Variants in TBKBP1 observed in about 807,000 individuals in gnomAD.
The protein encoded by TBKBP1 is TBK1 binding protein 1.
Under a neutral mutation model 69.9 loss-of-function variants are expected in TBKBP1, and 47 were observed. That is an observed-to-expected ratio of 0.67 (90% CI 0.53 to 0.86). The LOEUF is 0.86. Ranked by LOEUF, TBKBP1 falls within the 40% of genes least tolerant of loss-of-function variation. TBKBP1 has a pLI of 0.00. For missense variants in TBKBP1, 831 were observed against 858.6 expected (o/e 0.97, Z 0.40); for synonymous variants, 418 against 390.3 (o/e 1.07, Z -0.84).
At chr17:47,696,432 A>C in intron 2 of TBKBP1, 95 bp downstream of exon 2, 3 of 1,388,732 alleles carry the variant, frequency 2.2e-6, no homozygotes, top group Non-Finnish European at 2.9e-6. Context: ...AAGAGGGGTC[A>C]CTGTGCAGAC....
intron 2 of TBKBP1, 87 bp downstream of exon 2, chr17:47,696,424 G>A: frequency 6.9e-7 from 1 of 1,455,606 alleles, no homozygotes; most frequent in South Asian, 1.2e-5. Flanking sequence ...GGATCCAAAA[G>A]AGGGGTCACT....
Position 47,710,766 on chromosome 17 carries a change from G to T in TBKBP1, c.*140G>T. Reference sequence around the variant, plus strand: ...CCTCCACTTGCTACCGAGTCAACGTGTGTGCCATCTTCCCTGGTCCAGGCA... The same window carrying T: ...CCTCCACTTGCTACCGAGTCAACGTTTGTGCCATCTTCCCTGGTCCAGGCA... On this transcript the variant is annotated 3_prime_UTR_variant, in exon 10 of 10. Transcript: ENST00000578982. 8.0e-7 allele frequency: 1 copy of T among 1,257,384 alleles called. No individual in the cohort carries two copies. The allele number at this position is 1,257,384 out of a possible 1,614,324, so 77.9% of individuals were successfully genotyped here.
chr17:47,708,336 C>G lies in TBKBP1; in HGVS notation c.873-58C>G. 7 of 1,579,460 alleles carry G rather than the reference C, an allele frequency of 4.4e-6. No homozygotes were observed. The South Asian group carries it at 7.8e-5, about 18-fold the overall frequency. On this transcript the variant is annotated intron_variant, in intron 7 of 9. Coordinates refer to ENST00000578982, the MANE Select transcript of TBKBP1 (RefSeq NM_001394755.1). This position sits in a 1 kb window ranked among gnomAD's most constrained non-coding sequence, Gnocchi z 4.4. ...TGGGGTAGAGCCAGTTCTTCCTCCA[C>G]AGCTGGGACGGTAGACCCACTGCCC...
intron 7 of TBKBP1, among the ~76,000 whole-genome samples, chr17:47,700,770 A>G (rs118081167): frequency 0.017 from 2,557 of 152,138 alleles, 33 homozygotes; most frequent in Non-Finnish European, 0.022. Flanking sequence ...CTACCAAGAA[A>G]GGGGCAGCAG....
In TBKBP1 at chr17:47,699,362, G is replaced by A. The variant is rs538496762; in HGVS notation, c.677G>A (p.Arg226Gln). Residue 226 changes from arginine (R) to glutamine (Q), a missense_variant, in exon 6 of 10, where the codon CGG becomes CAG. By Grantham distance (43) the Arg-to-Gln change is conservative. Transcript: ENST00000578982. Reference protein sequence around the residue: ...GSTPSVSDLERRRLEEALEAA... With the variant: ...GSTPSVSDLEQRRLEEALEAA... ...ACACCCAGTGTGAGTGACCTGGAGC[G>A]GCGGCGGCTAGAAGAGGCTTTGGAG... The A allele has an allele frequency of 9.0e-6, 14 of 1,552,436 alleles. No individual in the cohort carries two copies. The highest frequency in any genetic ancestry group is 2.4e-4 in the Middle Eastern group (1 of 4,192).
At position 47,710,517 on chromosome 17, in the gene TBKBP1, G is replaced by C. The variant is rs554021725; in HGVS notation, c.1739G>C (p.Gly580Ala). ...CGACAGTTGCTGATGGAGACGGTGG[G>C]CTCCGACATCCGCAGCTGCCCCCTC... ...PSINLLMETV[G>A]SDIRSCPLCQ... is the part of the protein sequence containing the mutation. Residue 580 changes from glycine to alanine, a missense_variant, in exon 10 of 10, where the codon GGC becomes GCC. Physicochemically the swap from Gly to Ala is moderately conservative, Grantham distance 60 (BLOSUM62 0). Coordinates refer to ENST00000578982, the MANE Select transcript of TBKBP1 (RefSeq NM_001394755.1). 4.3e-6 allele frequency: 7 copies of C among 1,611,082 alleles called. No individual in the cohort carries two copies. In the East Asian group the frequency reaches 1.6e-4, roughly 36 times the overall value.
At chr17:47,696,919 G>A in intron 3 of TBKBP1, 86 bp downstream of exon 3, 1 of 1,565,894 alleles carries the variant, frequency 6.4e-7, no homozygotes, top group South Asian at 1.2e-5. Context: ...CCCAGCATCT[G>A]GCCTCTGCCC....
intron 7 of TBKBP1, among the ~76,000 whole-genome samples, chr17:47,702,148 C>T (rs1328044220): frequency 6.6e-6 from 1 of 152,228 alleles, no homozygotes; most frequent in African/African-American, 2.4e-5. Flanking sequence ...GCTCCCTCCC[C>T]TGTCCTTCCA....
At chr17:47,710,371 A>C in intron 9 of TBKBP1, 127 bp from the exon 10 acceptor site, 1 of 1,280,214 alleles carries the variant, frequency 7.8e-7, no homozygotes, top group Non-Finnish European at 1.1e-6. Flanking sequence ...TGCTGAAGAA[A>C]GGGTGGCTGG....
At position 47,708,908 on chromosome 17, in the gene TBKBP1, C is replaced by T. The variant is rs2031800899; in HGVS notation, c.1175C>T (p.Pro392Leu). ...QRRSPASPSC[P>L]SPVPQRRSPV... ...CGCTCTCCGGCCTCACCCTCCTGCC[C>T]GTCGCCCGTCCCGCAGCGCCGCTCG... The change falls in exon 9 of 10, where the codon CCG (proline) becomes CTG (leucine). Residue 392 changes from proline to leucine, a missense_variant. By Grantham distance (98) the Pro-to-Leu change is moderately conservative. Transcript: ENST00000578982. This position sits in a 1 kb window ranked among gnomAD's most constrained non-coding sequence, Gnocchi z 4.4. 3.6e-6 allele frequency: 5 copies of T among 1,375,454 alleles called. No homozygotes were observed. The highest frequency in any genetic ancestry group is 4.7e-6 in the Non-Finnish European group (5 of 1,064,258). The allele number at this position is 1,375,454 out of a possible 1,614,324, so 85.2% of individuals were successfully genotyped here.
At chr17:47,705,533 AT>A (rs1161308502) in intron 7 of TBKBP1, among the ~76,000 whole-genome samples, 1 of 152,224 alleles carries the variant, frequency 6.6e-6, no homozygotes, top group Non-Finnish European at 1.5e-5. Context: ...AAATGCAGCC[AT>A]CTGCTGCCAC....
In TBKBP1 at chr17:47,710,712, G is replaced by C. The variant is rs766503200; in HGVS notation, c.*86G>C. The C allele has an allele frequency of 5.9e-6, 9 of 1,526,616 alleles. No homozygotes were observed. Among genetic ancestry groups the C allele is most frequent in the Non-Finnish European group, 8.0e-6 (9 of 1,127,882 alleles). The allele number at this position is 1,526,616 out of a possible 1,614,324, so 94.6% of individuals were successfully genotyped here. ...TTTGAATGCTGCATGAATCTCGTGG[G>C]GGGTCCCTGCCCTTGCGACCCCCAG... On this transcript the variant is annotated 3_prime_UTR_variant, in exon 10 of 10. Transcript: ENST00000578982.
rs769442613 is a variant in TBKBP1 at position 47,709,133 on chromosome 17, A to G, written c.1400A>G (p.Glu467Gly). 3.5e-5 allele frequency: 49 copies of G among 1,384,380 alleles called. No homozygotes were observed. The highest frequency in any genetic ancestry group is 3.0e-4 in the Admixed American group (8 of 26,522). 85.8% of individuals were successfully genotyped at this position (1,384,380 alleles called of 1,614,324 possible). A position where few individuals can be genotyped will look rare whatever the true frequency, so the allele number is the denominator to read the frequency against. Residue 467 changes from glutamate (E) to glycine (G), a missense_variant, in exon 9 of 10, where the codon GAG becomes GGG. By Grantham distance (98) the Glu-to-Gly change is moderately conservative (BLOSUM62 -2). Transcript: ENST00000578982. ...CGCCGCAGCTACTCTGAGCTGGCGG[A>G]GGGCGCGGCCTACGCGGGCGCCTCC... ...QGRRSYSELA[E>G]GAAYAGASPP...
At chr17:47,696,453 T>C (rs1329525407) in intron 2 of TBKBP1, 116 bp downstream of exon 2, 33 of 1,268,282 alleles carry the variant, frequency 2.6e-5, no homozygotes, top group Non-Finnish European at 3.4e-5. Flanking sequence ...TCTTGGGAAC[T>C]TGAGGGTCTC....
chr17:47,699,396 G>A lies in TBKBP1; in HGVS notation c.711G>A (p.Gln237=), dbSNP rs2031394470. 1 of 1,568,232 alleles carries A rather than the reference G, an allele frequency of 6.4e-7. No homozygotes were observed. ...TAGAAGAGGCTTTGGAGGCCGCGCA[G>A]GGAGAGGCCCGGGGGGCTCAGCTCC... The part of the protein sequence containing the change: ...RRLEEALEAA[Q]GEARGAQLRE... Residue 237 remains glutamine, a synonymous_variant, in exon 6 of 10, where the codon CAG becomes CAA. Transcript: ENST00000578982.
Position 47,710,627 on chromosome 17 carries a change from G to T in TBKBP1, c.*1G>T. 2 of 1,596,902 alleles carry T rather than the reference G, an allele frequency of 1.3e-6. No homozygotes were observed. Among genetic ancestry groups the T allele is most frequent in the Admixed American group, 3.3e-5 (2 of 59,702 alleles). On this transcript the variant is annotated 3_prime_UTR_variant, in exon 10 of 10. Transcript: ENST00000578982. ...CCACCTGGAGAACAGCAAGATCTAG[G>T]GCACCAGCCCCACCCACTGGCTGTT...
At position 47,696,200 on chromosome 17, in the gene TBKBP1, C is replaced by G. The variant is rs934824018; in HGVS notation, c.88C>G (p.Pro30Ala). Residue 30 changes from proline (P) to alanine (A), a missense_variant, in exon 2 of 10, where the codon CCC becomes GCC. Coordinates refer to ENST00000578982, the MANE Select transcript of TBKBP1 (RefSeq NM_001394755.1). ...GGTGTGGCTGGACAGTCCCGGAGAC[C>G]CCTCGCTTGGGGGCGACATGTGCTC... ...SEVWLDSPGDPSLGGDMCSAS... is the reference protein window; with the variant it reads ...SEVWLDSPGDASLGGDMCSAS... 6.2e-7 allele frequency: 1 copy of G among 1,613,738 alleles called. No homozygotes were observed.
At position 47,711,328 on chromosome 17, in the gene TBKBP1, G is replaced by T. The variant is rs1437858445; in HGVS notation, c.*702G>T. 1.3e-5 allele frequency: 2 copies of T among 152,766 alleles called. No individual in the cohort carries two copies. Among genetic ancestry groups the T allele is most frequent in the Admixed American group, 6.5e-5 (1 of 15,284 alleles). The allele number at this position is 152,766 out of a possible 1,614,324, so 9.5% of individuals were successfully genotyped here. A position where few individuals can be genotyped will look rare whatever the true frequency, so the allele number is the denominator to read the frequency against. On this transcript the variant is annotated 3_prime_UTR_variant, in exon 10 of 10. Transcript: ENST00000578982. Reference sequence around the variant, plus strand: ...TAAAGAGGCTTCTCTGAGGGCCAGGGCCCTACAGCATGCCCCTACGGCCAG... The same window carrying T: ...TAAAGAGGCTTCTCTGAGGGCCAGGTCCCTACAGCATGCCCCTACGGCCAG...
Position 47,709,126 on chromosome 17 carries a change from C to T in TBKBP1, c.1393C>T (p.Leu465=). 1 of 1,379,790 alleles carries T rather than the reference C, an allele frequency of 7.2e-7. No homozygotes were observed. The highest frequency in any genetic ancestry group is 9.3e-7 in the Non-Finnish European group (1 of 1,074,510). The allele number at this position is 1,379,790 out of a possible 1,614,324, so 85.5% of individuals were successfully genotyped here. A position where few individuals can be genotyped will look rare whatever the true frequency, so the allele number is the denominator to read the frequency against. The change falls in exon 9 of 10, where the codon CTG becomes TTG. Residue 465 remains leucine, a synonymous_variant. Transcript: ENST00000578982. The part of the protein sequence containing the change: ...GFQGRRSYSE[L]AEGAAYAGAS... The stretch of plus-strand genomic sequence containing the variant: ...CCAGGGCCGCCGCAGCTACTCTGAG[C>T]TGGCGGAGGGCGCGGCCTACGCGGG...
Sources: allele counts gnomAD v4.1 joint callset (sites outside exome capture counted in the v4.1 genomes callset), GRCh38; gene constraint gnomAD v4.1.1; non-coding constraint Gnocchi (gnomAD v3.1); transcripts MANE v1.5; gene names NCBI Gene and HGNC (gene_info 2026-07-23, HGNC 2026-07-21).